The following PRKN variants were observed in gnomAD, a reference collection of about 807,000 sequenced individuals.
PRKN encodes parkin RBR E3 ubiquitin protein ligase.
In PRKN, 56 loss-of-function variants were observed where a neutral mutation model predicts 59.5. The observed-to-expected ratio is 0.94, with a 90% CI of 0.76 to 1.18. The LOEUF is 1.18. PRKN is among the 50% of genes most tolerant of loss of function. The probability of loss-of-function intolerance (pLI) is 0.00; values close to 1 mark genes in which losing one functional copy is unlikely to be tolerated. For synonymous variants in PRKN, 250 were observed against 222.1 expected (o/e 1.13, Z -1.12); for missense variants, 657 against 596.4 (o/e 1.10, Z -1.06).
intron 2 of PRKN, among the ~76,000 whole-genome samples, chr6:162,336,989 G>A (rs1054378215): frequency 6.6e-6 from 1 of 152,118 alleles, no homozygotes; most frequent in Non-Finnish European, 1.5e-5. Flanking sequence ...CTAAGGACTC[G>A]GTCAGAGGTG....
At chr6:162,565,480 A>G (rs1780025914) in intron 1 of PRKN, among the ~76,000 whole-genome samples, 1 of 152,096 alleles carries the variant, frequency 6.6e-6, no homozygotes, top group South Asian at 2.1e-4. Context: ...CTGGGAGGTC[A>G]GGAGTTGGAG....
intron 1 of PRKN, among the ~76,000 whole-genome samples, chr6:162,498,130 C>CCAGTTGTGTT (rs1470142997): frequency 1.3e-5 from 2 of 152,038 alleles, no homozygotes; most frequent in African/African-American, 4.8e-5. Context: ...GATCTCTAAA[C>CCAGTTGTGTT]CAGTTGTGTT....
chr6:162,180,301 T>C (rs749823950), intron 4 of PRKN, among the ~76,000 whole-genome samples: 4 of 152,146 alleles, frequency 2.6e-5, no homozygotes, highest in Non-Finnish European at 5.9e-5. Flanking sequence ...CGTAATTGCA[T>C]TGTGTGTAAC....
chr6:162,587,062 A>C (rs921479684), intron 1 of PRKN, among the ~76,000 whole-genome samples: 3 of 152,232 alleles, frequency 2.0e-5, no homozygotes, highest in Admixed American at 6.5e-5. Context: ...TATTTTAATA[A>C]AGAACTACAT....
rs1482365138 is a variant in PRKN at position 161,703,833 on chromosome 6, CTCTCTCTTTTTTTTTTTTTTTTTTT to C, written c.871+81914_871+81938del. Among the ~76,000 whole-genome samples the C allele has an allele frequency of 3.8e-3, 482 of 127,594 alleles. 4 individuals carry two copies. The highest frequency in any genetic ancestry group is 0.015 in the African/African-American group (467 of 30,546). 83.7% of individuals were successfully genotyped at this position (127,594 alleles called of 152,430 possible). On this transcript the variant is annotated intron_variant, in intron 7 of 11. Coordinates refer to ENST00000366898, the MANE Select transcript of PRKN (RefSeq NM_004562.3). ...TGAGGACACACATCTCTCTCTCTCT[CTCTCTCTTTTTTTTTTTTTTTTTTT>C]TTTTTTTTTTTTTTTTTTACAGAGT... is the stretch of plus-strand genomic sequence containing the variant.
chr6:162,208,280 G>A (rs762715251), intron 3 of PRKN, among the ~76,000 whole-genome samples: 3 of 152,094 alleles, frequency 2.0e-5, no homozygotes, highest in African/African-American at 4.8e-5. Context: ...AGTAACCAAG[G>A]TTATGCTATA....
At chr6:162,638,279 T>C (rs1777819019) in intron 1 of PRKN, among the ~76,000 whole-genome samples, 1 of 151,216 alleles carries the variant, frequency 6.6e-6, no homozygotes, top group African/African-American at 2.4e-5. Context: ...ACGTACAGAA[T>C]TTTGCTTCAG....
At chr6:162,594,991 G>A (rs1396832404) in intron 1 of PRKN, among the ~76,000 whole-genome samples, 6 of 152,086 alleles carry the variant, frequency 3.9e-5, no homozygotes, top group East Asian at 2.0e-4. Flanking sequence ...TGGCTAACAC[G>A]GTGAAACCCC....
In PRKN at chr6:161,347,886, G is replaced by A; in HGVS notation, c.*2213C>T. 6.4e-6 allele frequency: 1 copy of A among 156,420 alleles called. No homozygotes were observed. The highest frequency in any genetic ancestry group is 1.4e-5 in the Non-Finnish European group (1 of 70,512). The allele number at this position is 156,420 out of a possible 1,614,324, so 9.7% of individuals were successfully genotyped here. On this transcript the variant is annotated 3_prime_UTR_variant, in exon 12 of 12. Coordinates refer to ENST00000366898, the MANE Select transcript of PRKN (RefSeq NM_004562.3). ...CCACCTCGGCCTCCCAAAGTGCTGG[G>A]ATTACAGGCATGAGCCACCGCGCCC...
intron 1 of PRKN, among the ~76,000 whole-genome samples, chr6:162,461,047 GTAAC>G (rs201208692): frequency 9.1e-4 from 138 of 152,124 alleles, no homozygotes; most frequent in African/African-American, 3.2e-3. Flanking sequence ...TACTGAATAA[GTAAC>G]TATTTGCTAG....
intron 7 of PRKN, among the ~76,000 whole-genome samples, chr6:161,737,096 T>TG (rs1173210676): frequency 1.3e-5 from 2 of 152,100 alleles, no homozygotes; most frequent in Non-Finnish European, 2.9e-5. Flanking sequence ...AATCAGGCAA[T>TG]GGGATGTGTC....
chr6:161,594,544 T>C (rs1278280448), intron 7 of PRKN, among the ~76,000 whole-genome samples: 1 of 152,228 alleles, frequency 6.6e-6, no homozygotes, highest in Non-Finnish European at 1.5e-5. Flanking sequence ...TTCTCTCAGA[T>C]TTTTGTTAGA....
chr6:161,874,683 TACA>T, intron 6 of PRKN, among the ~76,000 whole-genome samples: 8 of 121,724 alleles, frequency 6.6e-5, no homozygotes, highest in Non-Finnish European at 1.1e-4. Context: ...ATATAAAATG[TACA>T]ATATATATAA....
chr6:162,254,878 T>C (rs946005691), intron 3 of PRKN, among the ~76,000 whole-genome samples: 3 of 151,792 alleles, frequency 2.0e-5, no homozygotes, highest in African/African-American at 7.3e-5. Flanking sequence ...CAACATAAAA[T>C]GGAAAACAAA....
At chr6:162,380,394 A>T (rs1786366461) in intron 2 of PRKN, among the ~76,000 whole-genome samples, 1 of 109,804 alleles carries the variant, frequency 9.1e-6, no homozygotes, top group African/African-American at 4.1e-5. Flanking sequence ...TAATAGTTTA[A>T]AGCTATATAT....
chr6:162,119,655 C>A (rs1456185865), intron 4 of PRKN, among the ~76,000 whole-genome samples: 1 of 152,136 alleles, frequency 6.6e-6, no homozygotes, highest in African/African-American at 2.4e-5. Context: ...TCTTTTGCCA[C>A]TTCCAAGAAC....
rs1382089937 is a variant in PRKN, at chr6:161,902,556, A to ATCTATTTTTTTTTTTTTTTTTTTTTT, written c.734+70745_734+70746insAAAAAAAAAAAAAAAAAAAAAATAGA. Among the ~76,000 whole-genome samples, 3 of 118,200 alleles carry ATCTATTTTTTTTTTTTTTTTTTTTTT rather than the reference A, an allele frequency of 2.5e-5. 1 individual carries two copies. Among genetic ancestry groups the ATCTATTTTTTTTTTTTTTTTTTTTTT allele is most frequent in the Non-Finnish European group, 5.1e-5 (3 of 58,302 alleles). The allele number at this position is 118,200 out of a possible 152,430, so 77.5% of individuals were successfully genotyped here. On this transcript the variant is annotated intron_variant, in intron 6 of 11. Transcript: ENST00000366898. ...TATCTATCTATCTATCTATTTATTT[A>ATCTATTTTTTTTTTTTTTTTTTTTTT]TTTATTTATTTTTTTTTTTTTGCGA...
At chr6:161,647,042 T>C (rs573885160) in intron 7 of PRKN, among the ~76,000 whole-genome samples, 1 of 152,240 alleles carries the variant, frequency 6.6e-6, no homozygotes, top group Non-Finnish European at 1.5e-5. Context: ...TGAATGTTGA[T>C]ATTTTTCTCT....
chr6:161,717,215 G>T (rs565461152), intron 7 of PRKN, among the ~76,000 whole-genome samples: 5 of 152,156 alleles, frequency 3.3e-5, no homozygotes, highest in African/African-American at 1.2e-4. Context: ...GTCCAACATC[G>T]AGAGGAGGCC....
Sources: allele counts gnomAD v4.1 joint callset (sites outside exome capture counted in the v4.1 genomes callset), GRCh38; gene constraint gnomAD v4.1.1; transcripts MANE v1.5; gene names NCBI Gene and HGNC (gene_info 2026-07-23, HGNC 2026-07-21).